Variants in WWOX observed in about 807,000 individuals in gnomAD.
The protein encoded by WWOX is WW domain-containing oxidoreductase.
Under a neutral mutation model 46.2 loss-of-function variants are expected in WWOX, and 69 were observed. The observed-to-expected ratio is 1.49, with a 90% CI of 1.23 to 1.82. WWOX has a LOEUF of 1.82. Among genes scored for constraint, WWOX ranks in the 40% most tolerant of loss-of-function variants. The probability of loss-of-function intolerance (pLI) is 0.00; values close to 1 mark genes in which losing one functional copy is unlikely to be tolerated. For synonymous variants in WWOX, 359 were observed against 202.6 expected, an observed-to-expected ratio of 1.77 and a Z score of -6.56; for missense variants, 919 against 542.6, an observed-to-expected ratio of 1.69 and a Z score of -6.89.
At chr16:79,078,217 C>T (rs2048696563) in intron 8 of WWOX, 1 of 152,148 alleles carries the variant, frequency 6.6e-6, no homozygotes, top group Non-Finnish European at 1.5e-5. Flanking sequence ...TCTGTGGCTC[C>T]AGTATTTTTC....
At chr16:79,181,516 T>C (rs1428677159) in intron 8 of WWOX, among the ~76,000 whole-genome samples, 1 of 152,194 alleles carries the variant, frequency 6.6e-6, no homozygotes, top group East Asian at 1.9e-4. Flanking sequence ...CTTAACACTA[T>C]GCAGAACGAT....
intron 8 of WWOX, among the ~76,000 whole-genome samples, chr16:79,054,620 A>G (rs1053229598): frequency 6.6e-6 from 1 of 152,150 alleles, no homozygotes; most frequent in Non-Finnish European, 1.5e-5. Context: ...CCAGGAGTTC[A>G]GGACCATCCT....
chr16:78,587,153 G>C (rs1167938318), intron 8 of WWOX, among the ~76,000 whole-genome samples: 5 of 149,646 alleles, frequency 3.3e-5, no homozygotes, highest in Non-Finnish European at 7.4e-5. Context: ...AGCCTCTTGA[G>C]TGGCTGGAAC....
chr16:79,166,332 A>G (rs1423459496), intron 8 of WWOX, among the ~76,000 whole-genome samples: 5 of 152,224 alleles, frequency 3.3e-5, no homozygotes, highest in Non-Finnish European at 7.3e-5. Flanking sequence ...GGAGGATGGA[A>G]TTACATTATT....
chr16:78,833,076 C>G (rs994148164), intron 8 of WWOX, among the ~76,000 whole-genome samples: 1 of 143,230 alleles, frequency 7.0e-6, no homozygotes, highest in African/African-American at 2.6e-5. Context: ...GGGTCTTGCT[C>G]TTTTGCCCAG....
At chr16:78,174,761 G>A (rs2035276651) in intron 5 of WWOX, among the ~76,000 whole-genome samples, 1 of 152,146 alleles carries the variant, frequency 6.6e-6, no homozygotes, top group South Asian at 2.1e-4. Flanking sequence ...GCCAAGGCGG[G>A]CGGATTGCCT....
At chr16:78,306,334 A>G (rs1159164007) in intron 5 of WWOX, among the ~76,000 whole-genome samples, 1 of 152,058 alleles carries the variant, frequency 6.6e-6, no homozygotes, top group African/African-American at 2.4e-5. Flanking sequence ...GTGTGTTTCC[A>G]TGGGTTGTTA....
At chr16:78,815,608 C>T (rs144068242) in intron 8 of WWOX, among the ~76,000 whole-genome samples, 2 of 152,320 alleles carry the variant, frequency 1.3e-5, no homozygotes, top group South Asian at 2.1e-4. Context: ...TTTATGGGGG[C>T]AGAGGGAGTC....
intron 8 of WWOX, among the ~76,000 whole-genome samples, chr16:78,979,135 C>G (rs4888001): frequency 8.1e-5 from 12 of 148,636 alleles, no homozygotes; most frequent in African/African-American, 7.5e-5. Context: ...ATTTTCCTCT[C>G]GAATATCACT....
intron 8 of WWOX, among the ~76,000 whole-genome samples, chr16:78,937,595 A>G (rs915064110): frequency 8.9e-5 from 13 of 145,470 alleles, no homozygotes; most frequent in Admixed American, 2.1e-4. Flanking sequence ...GTGCCCAGCT[A>G]TAGAGCTTTA....
chr16:78,908,570 G>GTTT (rs2045027866), intron 8 of WWOX, among the ~76,000 whole-genome samples: 1 of 151,468 alleles, frequency 6.6e-6, no homozygotes, highest in Non-Finnish European at 1.5e-5. Flanking sequence ...AATTCATGCA[G>GTTT]AGCTGGCTGT....
chr16:79,130,013 A>G (rs1033807055), intron 8 of WWOX, among the ~76,000 whole-genome samples: 3 of 152,266 alleles, frequency 2.0e-5, no homozygotes, highest in Non-Finnish European at 4.4e-5. Context: ...ATATTTACAG[A>G]GAGCTTACTC....
At chr16:79,150,949 A>G (rs1164353698) in intron 8 of WWOX, among the ~76,000 whole-genome samples, 1 of 152,168 alleles carries the variant, frequency 6.6e-6, no homozygotes, top group Non-Finnish European at 1.5e-5. Flanking sequence ...TTTTCAGCCT[A>G]GTTTATTCTA....
At chr16:78,221,818 A>G (rs746025602) in intron 5 of WWOX, among the ~76,000 whole-genome samples, 28 of 152,190 alleles carry the variant, frequency 1.8e-4, no homozygotes, top group African/African-American at 4.3e-4. Context: ...CTCTGATTTT[A>G]TACACTCATG....
At chr16:78,144,443 A>ACG (rs1420450987) in intron 4 of WWOX, among the ~76,000 whole-genome samples, 6 of 19,338 alleles carry the variant, frequency 3.1e-4, no homozygotes, top group East Asian at 3.5e-3. Flanking sequence ...ATATATATAT[A>ACG]TATACACATA....
intron 5 of WWOX, among the ~76,000 whole-genome samples, chr16:78,307,748 C>G (rs1238545676): frequency 6.6e-6 from 1 of 151,692 alleles, no homozygotes; most frequent in Non-Finnish European, 1.5e-5. Flanking sequence ...CACCTGCCTC[C>G]CACATACTGG....
At chr16:78,447,017 G>T (rs866282005) in intron 8 of WWOX, among the ~76,000 whole-genome samples, 47 of 152,204 alleles carry the variant, frequency 3.1e-4, no homozygotes, top group Middle Eastern at 3.4e-3. Context: ...ATACTGGAAG[G>T]TCATGATGGC....
chr16:78,442,947 C>G (rs968615060), intron 8 of WWOX, among the ~76,000 whole-genome samples: 4 of 151,784 alleles, frequency 2.6e-5, no homozygotes, highest in Admixed American at 2.0e-4. Flanking sequence ...ATGGTGAAAC[C>G]CTGTCTCTAC....
chr16:78,809,123 G>C (rs950167616), intron 8 of WWOX, among the ~76,000 whole-genome samples: 2 of 151,934 alleles, frequency 1.3e-5, no homozygotes, highest in African/African-American at 2.4e-5. Context: ...GTTTCTGTCT[G>C]TTCTCCCCCT....
Sources: gnomAD v4.1 joint callset for allele counts (sites outside exome capture counted in the v4.1 genomes callset) on GRCh38, gnomAD v4.1.1 for gene constraint, MANE v1.5 for transcripts, NCBI Gene and HGNC (gene_info 2026-07-23, HGNC 2026-07-21) for gene names.